Variants in SDK1 observed in about 807,000 individuals in gnomAD.
The protein encoded by SDK1 is protein sidekick-1.
A neutral mutation model predicts 245.5 loss-of-function variants in SDK1; 157 were observed. That is an observed-to-expected ratio of 0.64 (90% confidence interval 0.56 to 0.73). The LOEUF is 0.73. Ranked by LOEUF, SDK1 falls within the 30% of genes least tolerant of loss-of-function variation. SDK1 has a pLI of 0.00. For missense variants in SDK1, 3,583 were observed against 3,002.3 expected, an observed-to-expected ratio of 1.19 and a Z score of -4.52; for synonymous variants, 1,647 against 1,278.5, an observed-to-expected ratio of 1.29 and a Z score of -6.15.
rs146680650 is a variant in SDK1 at position 4,149,265 on chromosome 7, G to A, written c.4427G>A (p.Arg1476Gln). 2.2e-5 allele frequency: 33 copies of A among 1,519,022 alleles called. 1 individual carries two copies. The highest frequency in any genetic ancestry group is 6.5e-5 in the South Asian group (5 of 76,888). The allele number at this position is 1,519,022 out of a possible 1,614,324, so 94.1% of individuals were successfully genotyped here. A position where few individuals can be genotyped will look rare whatever the true frequency, so the allele number is the denominator to read the frequency against. The change falls in exon 30 of 45, where the codon CGG becomes CAG. Residue 1476 changes from arginine (R) to glutamine (Q), a missense_variant. Arg to Gln is a conservative substitution (Grantham distance 43). Transcript: ENST00000404826. ...ATVITTEKRE[R>Q]PAPPRELLVP... The stretch of plus-strand genomic sequence containing the variant: ...GTCTGTCCTCATTTGGTTGCAGAGC[G>A]GCCGGCACCCCCCAGAGAGCTCCTG...
At chr7:4,112,604 A>T (rs1294167422) in intron 23 of SDK1, among the ~76,000 whole-genome samples, 1 of 152,102 alleles carries the variant, frequency 6.6e-6, no homozygotes, top group African/African-American at 2.4e-5. Flanking sequence ...GTTATCCTAA[A>T]CTTGAATCAG....
intron 1 of SDK1, among the ~76,000 whole-genome samples, chr7:3,302,650 C>T (rs940412866): frequency 5.9e-5 from 9 of 151,286 alleles, no homozygotes; most frequent in African/African-American, 2.2e-4. Flanking sequence ...TAACGTACCC[C>T]TGCCAGCTAG....
intron 1 of SDK1, among the ~76,000 whole-genome samples, chr7:3,587,970 C>A (rs958822789): frequency 6.6e-6 from 1 of 152,234 alleles, no homozygotes; most frequent in Non-Finnish European, 1.5e-5. Flanking sequence ...TATGTCTATG[C>A]CAATACAGGC....
intron 40 of SDK1, among the ~76,000 whole-genome samples, chr7:4,227,966 T>C (rs904553982): frequency 1.6e-4 from 25 of 152,200 alleles, no homozygotes; most frequent in Non-Finnish European, 1.3e-4. Flanking sequence ...GCAGAACCTA[T>C]TTATACAGAA....
intron 4 of SDK1, among the ~76,000 whole-genome samples, chr7:3,648,057 T>G (rs1014768433): frequency 2.6e-5 from 4 of 152,226 alleles, no homozygotes; most frequent in Non-Finnish European, 5.9e-5. Flanking sequence ...TCTGATTTAC[T>G]GAGTCCAAAG....
chr7:3,562,801 G>A (rs1385060957), intron 1 of SDK1, among the ~76,000 whole-genome samples: 1 of 151,888 alleles, frequency 6.6e-6, no homozygotes, highest in Non-Finnish European at 1.5e-5. Context: ...GATATAAGAA[G>A]TATCTTCAGC....
intron 4 of SDK1, among the ~76,000 whole-genome samples, chr7:3,658,861 G>T (rs1783269898): frequency 6.6e-6 from 1 of 151,964 alleles, no homozygotes; most frequent in Admixed American, 6.6e-5. Flanking sequence ...CAGGTGATCC[G>T]CCCACTTCAG....
chr7:3,834,096 A>T (rs1004659053), intron 5 of SDK1, among the ~76,000 whole-genome samples: 2 of 152,306 alleles, frequency 1.3e-5, no homozygotes, highest in Middle Eastern at 6.8e-3. Flanking sequence ...ACCATTTTCA[A>T]TGTCTATGTA....
intron 20 of SDK1, among the ~76,000 whole-genome samples, chr7:4,073,619 C>T (rs1298984871): frequency 6.6e-6 from 1 of 152,144 alleles, no homozygotes; most frequent in East Asian, 1.9e-4. Flanking sequence ...TCTGCTCTTC[C>T]CATAGGTTCA....
intron 41 of SDK1, among the ~76,000 whole-genome samples, chr7:4,234,268 C>T (rs1182145760): frequency 6.6e-6 from 1 of 152,204 alleles, no homozygotes; most frequent in African/African-American, 2.4e-5. Flanking sequence ...ACGTGCACAC[C>T]TTCGCTGTGA....
chr7:3,857,993 T>C (rs1780588352), intron 5 of SDK1, among the ~76,000 whole-genome samples: 1 of 152,220 alleles, frequency 6.6e-6, no homozygotes, highest in African/African-American at 2.4e-5. Context: ...GACTCAATTA[T>C]GTAAAGTTGT....
chr7:3,914,342 G>A (rs1055357351), intron 5 of SDK1, among the ~76,000 whole-genome samples: 7 of 152,212 alleles, frequency 4.6e-5, no homozygotes, highest in South Asian at 2.1e-4. Flanking sequence ...AAATCAGGAG[G>A]GGGCAAAGAT....
chr7:3,802,130 C>G (rs1199087343), intron 4 of SDK1, among the ~76,000 whole-genome samples: 1 of 152,192 alleles, frequency 6.6e-6, no homozygotes, highest in African/African-American at 2.4e-5. Context: ...TTTTATACCA[C>G]TGTAGTGCAA....
chr7:4,265,472 T>C lies in SDK1; in HGVS notation c.*88T>C. The C allele has an allele frequency of 7.3e-7, 1 of 1,371,860 alleles. No individual in the cohort carries two copies. The highest frequency in any genetic ancestry group is 9.3e-7 in the Non-Finnish European group (1 of 1,070,598). The allele number at this position is 1,371,860 out of a possible 1,614,324, so 85.0% of individuals were successfully genotyped here. The stretch of plus-strand genomic sequence containing the variant: ...AGACAATCAACTCCAATAACTGAGC[T>C]GAAGTTTTTGTTTAAAAAGAAAAAA... On this transcript the variant is annotated 3_prime_UTR_variant, in exon 45 of 45. Transcript: ENST00000404826.
At chr7:4,015,478 T>G (rs1309353718) in intron 16 of SDK1, among the ~76,000 whole-genome samples, 4 of 152,196 alleles carry the variant, frequency 2.6e-5, no homozygotes, top group African/African-American at 9.7e-5. Flanking sequence ...TAAGCGTTCA[T>G]CTTTTGTAGA....
chr7:3,431,198 G>A (rs956154819), intron 1 of SDK1, among the ~76,000 whole-genome samples: 1 of 152,088 alleles, frequency 6.6e-6, no homozygotes, highest in African/African-American at 2.4e-5. Flanking sequence ...ACCACGCCTG[G>A]CCTTTTATCA....
At chr7:4,058,093 A>C (rs1489323375) in intron 19 of SDK1, among the ~76,000 whole-genome samples, 1 of 152,194 alleles carries the variant, frequency 6.6e-6, no homozygotes, top group Non-Finnish European at 1.5e-5. Context: ...AAAAAAAATA[A>C]AAAATAATGA....
chr7:4,130,989 C>G (rs891922055), intron 27 of SDK1, among the ~76,000 whole-genome samples: 19 of 152,110 alleles, frequency 1.2e-4, no homozygotes, highest in African/African-American at 4.1e-4. Context: ...CACCCCTGAT[C>G]CTCGCCTCGC....
At chr7:3,959,167 T>G (rs1415913102) in intron 8 of SDK1, among the ~76,000 whole-genome samples, 153 bp downstream of exon 8, 2 of 152,144 alleles carry the variant, frequency 1.3e-5, no homozygotes, top group Non-Finnish European at 2.9e-5. Context: ...GGGCAGTGAC[T>G]GTGGGTAAGG....
Sources: allele counts gnomAD v4.1 joint callset (sites outside exome capture counted in the v4.1 genomes callset), GRCh38; gene constraint gnomAD v4.1.1; transcripts MANE v1.5; gene names NCBI Gene and HGNC (gene_info 2026-07-23, HGNC 2026-07-21).